SPTLC3: variants seen among roughly 807,000 people sequenced by gnomAD.
SPTLC3 encodes serine palmitoyltransferase long chain base subunit 3, also known as serine palmitoyltransferase 3.
In SPTLC3, 36 loss-of-function variants were observed where a neutral mutation model predicts 59.3. The ratio of observed to expected loss-of-function variants is 0.61; its 90% confidence interval spans 0.47 to 0.80. The LOEUF is 0.80. Among genes scored for constraint, SPTLC3 ranks in the 30% least tolerant of loss-of-function variants. The pLI is 0.00. For synonymous variants in SPTLC3, 257 were observed against 240.8 expected (o/e 1.07, Z -0.62); for missense variants, 625 against 685.1 (o/e 0.91, Z 0.98).
At position 13,133,598 on chromosome 20, in the gene SPTLC3, G is replaced by A. The variant is rs144544178; in HGVS notation, c.1279+6881G>A. On this transcript the variant is annotated intron_variant, in intron 9 of 11. Transcript: ENST00000399002. ...AAAATACAAAAATTAGCTGGGCATG[G>A]TGGCACAAACCTGTAATCCCAGCTA... is the stretch of plus-strand genomic sequence containing the variant. Among the ~76,000 whole-genome samples the A allele has an allele frequency of 4.5e-4, 69 of 152,270 alleles. 1 individual carries two copies. Among genetic ancestry groups the A allele is most frequent in the African/African-American group, 1.5e-3 (63 of 41,536 alleles).
chr20:13,124,549 G>T (rs1270009253), intron 8 of SPTLC3, among the ~76,000 whole-genome samples: 2 of 152,060 alleles, frequency 1.3e-5, no homozygotes, highest in African/African-American at 4.8e-5. Context: ...GATGGAAAAA[G>T]GAAGTCATAG....
chr20:13,123,524 G>T (rs1237138719), intron 8 of SPTLC3, among the ~76,000 whole-genome samples: 2 of 152,120 alleles, frequency 1.3e-5, no homozygotes, highest in Non-Finnish European at 2.9e-5. Context: ...TGGTCACACG[G>T]CAGTAAGTGG....
At chr20:13,053,498 A>G (rs6109673) in intron 2 of SPTLC3, among the ~76,000 whole-genome samples, 18,805 of 151,890 alleles carry the variant, frequency 0.12, 1,243 homozygotes, top group Middle Eastern at 0.21. Context: ...AAGGATCACA[A>G]CTCCTCGCCA....
At chr20:13,160,250 C>A in intron 11 of SPTLC3, 118 bp downstream of exon 11, 1 of 1,274,184 alleles carries the variant, frequency 7.8e-7, no homozygotes, top group Non-Finnish European at 1.0e-6. Flanking sequence ...AGGAAAACAA[C>A]ACTGACAAAA....
chr20:13,067,339 G>A (rs1013266463), intron 2 of SPTLC3, among the ~76,000 whole-genome samples: 4 of 151,984 alleles, frequency 2.6e-5, no homozygotes, highest in African/African-American at 7.2e-5. Context: ...TTGAATGTCA[G>A]CTTGTTATAG....
Position 13,072,251 on chromosome 20 carries a change from A to G in SPTLC3, c.304-5A>G. ...AGAGATAACCTTCTACCTCTGTTCT[A>G]ACAGGATTTTGTGCCACTGTATCAA... is the stretch of plus-strand genomic sequence containing the variant. On this transcript the variant is annotated splice_region_variant and splice_polypyrimidine_tract_variant and intron_variant, in intron 2 of 11. Transcript: ENST00000399002. 1 of 1,610,002 alleles carries G rather than the reference A, an allele frequency of 6.2e-7. No individual in the cohort carries two copies. Among genetic ancestry groups the G allele is most frequent in the East Asian group, 2.2e-5 (1 of 44,836 alleles).
At chr20:13,084,841 T>A (rs1009593186) in intron 4 of SPTLC3, among the ~76,000 whole-genome samples, 3 of 152,164 alleles carry the variant, frequency 2.0e-5, no homozygotes, top group African/African-American at 7.2e-5. Flanking sequence ...CATTACACAT[T>A]ATTTATAAAA....
At chr20:13,102,429 G>T (rs1388407856) in intron 6 of SPTLC3, among the ~76,000 whole-genome samples, 2 of 152,202 alleles carry the variant, frequency 1.3e-5, no homozygotes, top group Non-Finnish European at 2.9e-5. Context: ...GTGGTGAAGT[G>T]ACTTAGATAC....
chr20:13,153,939 G>A (rs77040043), intron 9 of SPTLC3, 64 bp from the exon 10 acceptor site: 41,168 of 1,589,922 alleles, frequency 0.026, 601 homozygotes, highest in Middle Eastern at 0.038. Flanking sequence ...TTGCCAAGTT[G>A]ACCGGACCTT....
intron 9 of SPTLC3, among the ~76,000 whole-genome samples, chr20:13,142,284 A>G (rs1010021220): frequency 7.2e-5 from 11 of 152,248 alleles, no homozygotes; most frequent in Non-Finnish European, 1.2e-4. Context: ...ATCCTTTTAC[A>G]TGAGCCCTAC....
chr20:13,078,430 T>G lies in SPTLC3; in HGVS notation c.607+3933T>G, dbSNP rs569654112. Among the ~76,000 whole-genome samples the G allele has an allele frequency of 2.0e-5, 3 of 151,656 alleles. No homozygotes were observed. The East Asian group carries it at 5.8e-4, about 29-fold the overall frequency. ...AATTCATTATCCATTTCTCTAAAATTTTAAATAGAACATAAACAAGAAATT... is the reference window on the plus strand; with the variant it reads ...AATTCATTATCCATTTCTCTAAAATGTTAAATAGAACATAAACAAGAAATT... On this transcript the variant is annotated intron_variant, in intron 4 of 11. Transcript: ENST00000399002.
intron 9 of SPTLC3, among the ~76,000 whole-genome samples, chr20:13,129,203 C>T (rs1469984371): frequency 6.6e-6 from 1 of 152,094 alleles, no homozygotes; most frequent in Admixed American, 6.5e-5. Flanking sequence ...GGTTTCACCA[C>T]GTTGGCCATG....
At chr20:13,047,670 C>T (rs768892346) in intron 1 of SPTLC3, among the ~76,000 whole-genome samples, 1 of 152,028 alleles carries the variant, frequency 6.6e-6, no homozygotes, top group Non-Finnish European at 1.5e-5. Flanking sequence ...CTACTCTGTG[C>T]AAATCAATTA....
intron 1 of SPTLC3, among the ~76,000 whole-genome samples, chr20:13,031,729 GCA>G (rs762721029): frequency 1.3e-5 from 2 of 152,250 alleles, no homozygotes; most frequent in African/African-American, 2.4e-5. Context: ...GTCAAGCTTT[GCA>G]CAGTGTTTGC....
chr20:13,016,486 T>G (rs1985533362), intron 1 of SPTLC3, among the ~76,000 whole-genome samples: 1 of 152,182 alleles, frequency 6.6e-6, no homozygotes, highest in Non-Finnish European at 1.5e-5. Flanking sequence ...ACTGATGCTC[T>G]GAAAACATAA....
chr20:13,040,663 T>C (rs953534990), intron 1 of SPTLC3, among the ~76,000 whole-genome samples: 2 of 151,774 alleles, frequency 1.3e-5, no homozygotes, highest in African/African-American at 4.8e-5. Context: ...AATTTCATAA[T>C]CACCTTTGCC....
intron 11 of SPTLC3, among the ~76,000 whole-genome samples, chr20:13,160,939 C>T (rs927788315): frequency 3.3e-5 from 5 of 152,172 alleles, no homozygotes; most frequent in African/African-American, 1.2e-4. Context: ...TATCGAGCAT[C>T]ATTCAAGACT....
At chr20:13,138,734 T>C (rs989511284) in intron 9 of SPTLC3, among the ~76,000 whole-genome samples, 1 of 152,206 alleles carries the variant, frequency 6.6e-6, no homozygotes, top group African/African-American at 2.4e-5. Context: ...TCAAACTCTA[T>C]AGCCTCTTTC....
intron 9 of SPTLC3, among the ~76,000 whole-genome samples, chr20:13,132,426 C>T (rs1204753391): frequency 6.6e-6 from 1 of 152,070 alleles, no homozygotes; most frequent in Non-Finnish European, 1.5e-5. Context: ...GTCCACCCAC[C>T]TCGGCCTCCC....
Sources: gnomAD v4.1 joint callset for allele counts (sites outside exome capture counted in the v4.1 genomes callset) on GRCh38, gnomAD v4.1.1 for gene constraint, MANE v1.5 for transcripts, NCBI Gene and HGNC (gene_info 2026-07-23, HGNC 2026-07-21) for gene names.